The following HMGCLL1 variants were observed in gnomAD, a reference collection of about 807,000 sequenced individuals.
The protein encoded by HMGCLL1 is 3-hydroxymethyl-3-methylglutaryl-CoA lyase, cytoplasmic.
A neutral mutation model predicts 39.1 loss-of-function variants in HMGCLL1; 36 were observed. The ratio of observed to expected loss-of-function variants is 0.92; its 90% confidence interval spans 0.71 to 1.22. The LOEUF (loss-of-function observed/expected upper bound fraction) is 1.22. Among genes scored for constraint, HMGCLL1 ranks in the 50% most tolerant of loss-of-function variants. The pLI, the probability that HMGCLL1 is intolerant of heterozygous loss-of-function variation, is 0.00. For missense variants in HMGCLL1, 451 were observed against 416.5 expected (o/e 1.08, Z -0.72); for synonymous variants, 149 against 144.0 (o/e 1.03, Z -0.25).
At chr6:55,538,099 A>C (rs1016044988) in intron 3 of HMGCLL1, among the ~76,000 whole-genome samples, 1 of 152,066 alleles carries the variant, frequency 6.6e-6, no homozygotes, top group Non-Finnish European at 1.5e-5. Context: ...AATGTCACTG[A>C]GTATGTCCTA....
intron 7 of HMGCLL1, among the ~76,000 whole-genome samples, chr6:55,452,939 C>A (rs992675187): frequency 6.6e-6 from 1 of 152,044 alleles, no homozygotes; most frequent in Non-Finnish European, 1.5e-5. Flanking sequence ...TATTCAGAAA[C>A]ACCAGTGAGA....
the HMGCLL1 span, among the ~76,000 whole-genome samples, chr6:55,621,674 A>G: frequency 6.6e-6 from 1 of 152,016 alleles, no homozygotes; most frequent in African/African-American, 2.4e-5. Flanking sequence ...GGTGAGTTAC[A>G]TAATTATTTC....
At chr6:55,547,173 G>A (rs1581932772) in intron 1 of HMGCLL1, among the ~76,000 whole-genome samples, 1 of 152,016 alleles carries the variant, frequency 6.6e-6, no homozygotes, top group East Asian at 1.9e-4. Context: ...ATTGAGTTAT[G>A]GTTGAAGAAA....
the HMGCLL1 span, among the ~76,000 whole-genome samples, chr6:55,645,618 A>G: frequency 6.6e-6 from 1 of 151,958 alleles, no homozygotes; most frequent in South Asian, 2.1e-4. Flanking sequence ...GGGATATTGA[A>G]CTTTATCAAA....
the HMGCLL1 span, among the ~76,000 whole-genome samples, chr6:55,598,315 CA>C: frequency 2.0e-5 from 3 of 151,736 alleles, no homozygotes; most frequent in Non-Finnish European, 2.9e-5. Context: ...AAAAAAATTA[CA>C]AAAAAAATTA....
chr6:55,480,840 T>C (rs188121340), intron 7 of HMGCLL1, among the ~76,000 whole-genome samples: 1 of 152,110 alleles, frequency 6.6e-6, no homozygotes, highest in Admixed American at 6.6e-5. Flanking sequence ...ACGACATGGG[T>C]GGAACTGGAG....
chr6:55,475,574 AG>A (rs1300950436), intron 7 of HMGCLL1, among the ~76,000 whole-genome samples: 2 of 151,426 alleles, frequency 1.3e-5, no homozygotes, highest in Non-Finnish European at 3.0e-5. Flanking sequence ...CGTAAAAATA[AG>A]GGTGATTTCC....
chr6:55,638,204 G>A, the HMGCLL1 span, among the ~76,000 whole-genome samples: 1 of 151,752 alleles, frequency 6.6e-6, no homozygotes. Context: ...TCAGGAGTTC[G>A]AGACTAGCCT....
At chr6:55,589,561 G>T in the HMGCLL1 span, among the ~76,000 whole-genome samples, 2 of 152,094 alleles carry the variant, frequency 1.3e-5, no homozygotes, top group Non-Finnish European at 2.9e-5. Flanking sequence ...GGGCAATTAG[G>T]CAGGGGAAGG....
upstream of HMGCLL1, among the ~76,000 whole-genome samples, chr6:55,581,297 G>T (rs1771982954): frequency 6.6e-6 from 1 of 151,992 alleles, no homozygotes. Context: ...TTACAGAAAA[G>T]TCTTATAAAT....
the HMGCLL1 span, among the ~76,000 whole-genome samples, chr6:55,627,404 A>G: frequency 6.6e-6 from 1 of 152,048 alleles, no homozygotes; most frequent in Non-Finnish European, 1.5e-5. Flanking sequence ...TAGTTGTATT[A>G]CATTAGGCGT....
the HMGCLL1 span, among the ~76,000 whole-genome samples, chr6:55,591,213 T>A: frequency 1.3e-5 from 2 of 152,146 alleles, no homozygotes; most frequent in South Asian, 4.1e-4. Flanking sequence ...ATTCTAGAGA[T>A]TCACACACTA....
At chr6:55,649,437 A>G in the HMGCLL1 span, among the ~76,000 whole-genome samples, 5 of 150,066 alleles carry the variant, frequency 3.3e-5, no homozygotes, top group Non-Finnish European at 7.4e-5. Context: ...GTCCTGTTAG[A>G]GTTCCCCTGA....
At chr6:55,469,908 C>A (rs925960778) in intron 7 of HMGCLL1, among the ~76,000 whole-genome samples, 11 of 151,798 alleles carry the variant, frequency 7.2e-5, no homozygotes, top group African/African-American at 2.7e-4. Flanking sequence ...TTCAGAAGCA[C>A]CAAAGATTAA....
At position 55,462,089 on chromosome 6, in the gene HMGCLL1, T is replaced by G. The variant is rs139842893; in HGVS notation, c.796-22530A>C. Among the ~76,000 whole-genome samples the G allele has an allele frequency of 4.1e-4, 62 of 152,292 alleles. 2 individuals are homozygous for G. In the East Asian group the frequency reaches 8.9e-3, roughly 22 times the overall value. On this transcript the variant is annotated intron_variant, in intron 7 of 8. Transcript: ENST00000274901. ...TATATTCATGCGATTATGGGGTTTT[T>G]GGGTAATTCTAATGCCAAATTCTGT...
chr6:55,502,590 T>C (rs1382886312), intron 5 of HMGCLL1, among the ~76,000 whole-genome samples: 1 of 151,760 alleles, frequency 6.6e-6, no homozygotes, highest in Non-Finnish European at 1.5e-5. Context: ...TGTTGTTCCC[T>C]TTGGCGACAT....
At position 55,495,608 on chromosome 6, in the gene HMGCLL1, C is replaced by T; in HGVS notation, c.607-1G>A. 6 of 1,582,432 alleles carry T rather than the reference C, an allele frequency of 3.8e-6. No individual in the cohort carries two copies. The highest frequency in any genetic ancestry group is 5.2e-6 in the Non-Finnish European group (6 of 1,164,342). On this transcript the variant is annotated splice_acceptor_variant, in intron 6 of 8. Coordinates refer to ENST00000274901, the MANE Select transcript of HMGCLL1 (RefSeq NM_001042406.2). LOFTEE classifies it high-confidence loss of function. ...CCATGCCGTACAATCTCTTAGACACCTGTTGATAAAGGTGAAGTGCTAGTA... is the reference window on the plus strand; with the variant it reads ...CCATGCCGTACAATCTCTTAGACACTTGTTGATAAAGGTGAAGTGCTAGTA...
chr6:55,603,010 G>A, the HMGCLL1 span, among the ~76,000 whole-genome samples: 2 of 152,052 alleles, frequency 1.3e-5, no homozygotes, highest in Admixed American at 1.3e-4. Context: ...TAATGATGCT[G>A]CTGCTGTTCC....
At chr6:55,514,012 A>AT (rs1373088464) in intron 5 of HMGCLL1, 36 bp downstream of exon 5, 1 of 1,592,270 alleles carries the variant, frequency 6.3e-7, no homozygotes, top group Non-Finnish European at 8.6e-7. Context: ...AACAATAAAC[A>AT]TTAACAAAAC....
Sources: gnomAD v4.1 joint callset for allele counts (sites outside exome capture counted in the v4.1 genomes callset) on GRCh38, gnomAD v4.1.1 for gene constraint, MANE v1.5 for transcripts, NCBI Gene and HGNC (gene_info 2026-07-23, HGNC 2026-07-21) for gene names.